The following ANK3 variants were observed in gnomAD, a reference collection of about 807,000 sequenced individuals.
ANK3 encodes the protein ankyrin-3.
In ANK3, 57 loss-of-function variants were observed where a neutral mutation model predicts 370.9. The observed-to-expected ratio is 0.15, with a 90% confidence interval of 0.12 to 0.19. The LOEUF (loss-of-function observed/expected upper bound fraction) is 0.19. ANK3 is among the 10% of genes least tolerant of loss of function. The pLI, the probability that ANK3 is intolerant of heterozygous loss-of-function variation, is 1.00. For missense variants in ANK3, 4,439 were observed against 5,302.1 expected (o/e 0.84, Z 5.06); for synonymous variants, 1,929 against 1,946.3 (o/e 0.99, Z 0.23).
intron 1 of ANK3, among the ~76,000 whole-genome samples, chr10:60,701,576 T>G (rs2079546483): frequency 2.0e-5 from 3 of 152,178 alleles, no homozygotes; most frequent in Admixed American, 1.3e-4. Flanking sequence ...ACAATAGCAT[T>G]TATTGCTGCT....
chr10:60,146,007 A>C (rs2094804291), intron 23 of ANK3: 2 of 1,210,118 alleles, frequency 1.7e-6, no homozygotes, highest in East Asian at 5.1e-5. Context: ...ATTTTGTACC[A>C]TGTGCATCTA....
chr10:60,399,276 A>G (rs1195129932), intron 2 of ANK3, among the ~76,000 whole-genome samples: 1 of 152,210 alleles, frequency 6.6e-6, no homozygotes, highest in African/African-American at 2.4e-5. Flanking sequence ...AGTTATGGAA[A>G]GAACGAGCTC....
At chr10:60,653,035 G>T (rs2078812672) in intron 1 of ANK3, among the ~76,000 whole-genome samples, 1 of 152,034 alleles carries the variant, frequency 6.6e-6, no homozygotes, top group Admixed American at 6.6e-5. Flanking sequence ...AATTATAAGA[G>T]ACCTCTATAA....
intron 1 of ANK3, among the ~76,000 whole-genome samples, chr10:60,281,842 C>G (rs1429832141): frequency 6.6e-6 from 1 of 152,032 alleles, no homozygotes; most frequent in African/African-American, 2.4e-5. Flanking sequence ...CTTAAAATAA[C>G]ATAAAATTGG....
intron 42 of ANK3, among the ~76,000 whole-genome samples, chr10:60,048,966 A>G (rs1414187273): frequency 1.3e-5 from 2 of 152,340 alleles, no homozygotes; most frequent in South Asian, 2.1e-4. Context: ...TGTCATATTC[A>G]CCATATACTA....
At chr10:60,233,972 G>A (rs2097290058) in intron 8 of ANK3, among the ~76,000 whole-genome samples, 1 of 152,090 alleles carries the variant, frequency 6.6e-6, no homozygotes, top group African/African-American at 2.4e-5. Context: ...TATTCTAGAT[G>A]TCTCAGATAA....
chr10:60,376,654 T>C (rs1041265406), intron 1 of ANK3, among the ~76,000 whole-genome samples: 2 of 152,224 alleles, frequency 1.3e-5, no homozygotes, highest in Non-Finnish European at 2.9e-5. Context: ...AGCACTTGCA[T>C]TGGCCAGGCC....
chr10:60,370,751 A>C (rs2059999396), intron 1 of ANK3, among the ~76,000 whole-genome samples: 1 of 152,210 alleles, frequency 6.6e-6, no homozygotes, highest in Non-Finnish European at 1.5e-5. Context: ...CCAGGTTTCT[A>C]ATTCATCAGC....
chr10:60,047,042 C>A (rs996127368), intron 42 of ANK3, among the ~76,000 whole-genome samples: 11 of 152,070 alleles, frequency 7.2e-5, no homozygotes, highest in African/African-American at 2.7e-4. Context: ...CTCCTGACCT[C>A]GTGATCCACC....
Position 60,235,902 on chromosome 10 carries a change from T to C in ANK3, c.799-1116A>G, listed in dbSNP as rs578241254. ...TTACTACTTCATTTAATTCTCACAA[T>C]CCTCATATCATCATACATAATCTGA... is the stretch of plus-strand genomic sequence containing the variant. On this transcript the variant is annotated intron_variant, in intron 7 of 43. Coordinates refer to ENST00000280772, the MANE Select transcript of ANK3 (RefSeq NM_020987.5). Among the ~76,000 whole-genome samples the C allele has an allele frequency of 8.0e-4, 122 of 152,298 alleles. 1 individual carries two copies. Among genetic ancestry groups the C allele is most frequent in the African/African-American group, 2.9e-3 (120 of 41,562 alleles).
intron 40 of ANK3, chr10:60,062,770 G>A (rs2080850093): frequency 6.0e-6 from 1 of 167,354 alleles, no homozygotes; most frequent in African/African-American, 2.4e-5. Context: ...GAATAAAAGA[G>A]GTAACTAGTT....
At chr10:60,429,991 AT>A (rs1382048783) in intron 2 of ANK3, among the ~76,000 whole-genome samples, 7 of 152,248 alleles carry the variant, frequency 4.6e-5, no homozygotes, top group Non-Finnish European at 2.9e-5. Context: ...TGGTAAAAGT[AT>A]ATTTATCCTA....
rs1361781445 is a variant in ANK3 at position 60,349,908 on chromosome 10, A to G, written c.114+39517T>C. Among the ~76,000 whole-genome samples, 4 of 152,232 alleles carry G rather than the reference A, an allele frequency of 2.6e-5. No individual in the cohort carries two copies. In the South Asian group the frequency reaches 8.3e-4, roughly 32 times the overall value. On this transcript the variant is annotated intron_variant, in intron 1 of 43. Coordinates refer to ENST00000280772, the MANE Select transcript of ANK3 (RefSeq NM_020987.5). Reference sequence around the variant, plus strand: ...GACAAGAAAATAGCAGGGAAAGACCATAAAGTAACGGACTTGTCTAGTTAA... The same window carrying G: ...GACAAGAAAATAGCAGGGAAAGACCGTAAAGTAACGGACTTGTCTAGTTAA...
intron 17 of ANK3, among the ~76,000 whole-genome samples, chr10:60,183,307 C>T (rs535165570): frequency 4.6e-5 from 7 of 152,198 alleles, no homozygotes; most frequent in Non-Finnish European, 7.3e-5. Context: ...AGGCAAGTAT[C>T]GTATCTTTGA....
rs28566131 is a variant in ANK3 at position 60,502,829 on chromosome 10, A to G, written c.96+112357T>C. ...GAAAAAAGAGAAGAAAAGAAAAGAAAGAAGGAGTAAGAGAAAGGGAGGAAG... is the reference window on the plus strand; with the variant it reads ...GAAAAAAGAGAAGAAAAGAAAAGAAGGAAGGAGTAAGAGAAAGGGAGGAAG... On this transcript the variant is annotated intron_variant, in intron 2 of 43. Coordinates refer to the ANK3 transcript ENST00000373827. Among the ~76,000 whole-genome samples, 211 of 149,324 alleles carry G rather than the reference A, an allele frequency of 1.4e-3. 1 individual carries two copies. Among genetic ancestry groups the G allele is most frequent in the Non-Finnish European group, 2.2e-3 (145 of 67,436 alleles).
At chr10:60,193,445 T>C (rs1344814643) in intron 16 of ANK3, among the ~76,000 whole-genome samples, 3 of 152,038 alleles carry the variant, frequency 2.0e-5, no homozygotes, top group African/African-American at 7.2e-5. Context: ...TCACTTGAGG[T>C]CAGGAGTTCA....
chr10:60,203,980 A>C (rs1334280042), intron 11 of ANK3, among the ~76,000 whole-genome samples: 10 of 152,232 alleles, frequency 6.6e-5, no homozygotes, highest in African/African-American at 2.2e-4. Context: ...ATAACTTGAT[A>C]AAACATTTTT....
intron 7 of ANK3, 26 bp downstream of exon 7, chr10:60,261,833 G>T (rs1437084208): frequency 3.8e-6 from 6 of 1,595,204 alleles, no homozygotes; most frequent in Non-Finnish European, 5.2e-6. Context: ...ATGCTTTAAA[G>T]GTATTACACA....
At chr10:60,114,047 G>GA (rs1300355791) in intron 26 of ANK3, among the ~76,000 whole-genome samples, 178 bp downstream of exon 26, 1 of 151,756 alleles carries the variant, frequency 6.6e-6, no homozygotes, top group African/African-American at 2.4e-5. Flanking sequence ...AACTCATACA[G>GA]AATTACTTAG....
Sources: gnomAD v4.1 joint callset for allele counts (sites outside exome capture counted in the v4.1 genomes callset) on GRCh38, gnomAD v4.1.1 for gene constraint, MANE v1.5 for transcripts, NCBI Gene and HGNC (gene_info 2026-07-23, HGNC 2026-07-21) for gene names.